Variants in SEZ6L observed in about 807,000 individuals in gnomAD.
SEZ6L encodes seizure related 6 homolog like.
Under a neutral mutation model 106.2 loss-of-function variants are expected in SEZ6L, and 37 were observed. The observed-to-expected ratio is 0.35, with a 90% CI of 0.27 to 0.46. The LOEUF is 0.46. Ranked by LOEUF, SEZ6L falls within the 20% of genes least tolerant of loss-of-function variation. The pLI, the probability that SEZ6L is intolerant of heterozygous loss-of-function variation, is 1.00. For missense variants in SEZ6L, 1,172 were observed against 1,332.8 expected (o/e 0.88, Z 1.88); for synonymous variants, 541 against 570.4 (o/e 0.95, Z 0.73).
chr22:26,186,683 T>C (rs1055244196), intron 1 of SEZ6L, among the ~76,000 whole-genome samples: 2 of 152,286 alleles, frequency 1.3e-5, no homozygotes, highest in Non-Finnish European at 2.9e-5. Context: ...ATAGGGTTCT[T>C]GCTAAAGTGA....
At chr22:26,194,394 G>A (rs1296271021) in intron 1 of SEZ6L, among the ~76,000 whole-genome samples, 1 of 152,160 alleles carries the variant, frequency 6.6e-6, no homozygotes, top group Non-Finnish European at 1.5e-5. Context: ...TATAACTAGG[G>A]CATCCTGAAG....
intron 1 of SEZ6L, among the ~76,000 whole-genome samples, chr22:26,245,333 G>A (rs899160640): frequency 8.5e-5 from 13 of 152,162 alleles, no homozygotes; most frequent in Non-Finnish European, 1.5e-5. Flanking sequence ...CAGTAAAATT[G>A]AACAAGAGAG....
At chr22:26,348,703 A>AAAAAGAAAGG (rs1207033331) in intron 11 of SEZ6L, among the ~76,000 whole-genome samples, 2 of 41,480 alleles carry the variant, frequency 4.8e-5, no homozygotes, top group African/African-American at 2.3e-4. Context: ...AGAAAGAAAG[A>AAAAAGAAAGG]AGGCAAGGGA....
At chr22:26,211,416 C>T (rs993450511) in intron 1 of SEZ6L, among the ~76,000 whole-genome samples, 1 of 152,174 alleles carries the variant, frequency 6.6e-6, no homozygotes, top group Non-Finnish European at 1.5e-5. Flanking sequence ...CCACCCACCT[C>T]AGGTCCTAGG....
chr22:26,348,629 A>G (rs1363645761), intron 11 of SEZ6L, among the ~76,000 whole-genome samples: 2 of 34,268 alleles, frequency 5.8e-5, no homozygotes, highest in Non-Finnish European at 9.2e-5. Context: ...AGAAAGAAAG[A>G]AAGAAAGAAA....
At chr22:26,337,755 C>T (rs540636390) in intron 9 of SEZ6L, among the ~76,000 whole-genome samples, 1 of 152,238 alleles carries the variant, frequency 6.6e-6, no homozygotes, top group South Asian at 2.1e-4. Flanking sequence ...GCAAAGCAAG[C>T]AGGTAGCTTT....
intron 1 of SEZ6L, among the ~76,000 whole-genome samples, chr22:26,227,306 G>A (rs2078663391): frequency 6.6e-6 from 1 of 152,102 alleles, no homozygotes; most frequent in South Asian, 2.1e-4. Flanking sequence ...AACATCCCAA[G>A]GTTTTATTCT....
chr22:26,306,690 C>G (rs990425334), intron 6 of SEZ6L, among the ~76,000 whole-genome samples: 2 of 152,136 alleles, frequency 1.3e-5, no homozygotes, highest in African/African-American at 4.8e-5. Flanking sequence ...AATTATAAAA[C>G]TTTAATATTC....
Position 26,169,588 on chromosome 22 carries a change from C to T in SEZ6L, c.-82C>T, listed in dbSNP as rs1355594284. The T allele has an allele frequency of 4.1e-6, 2 of 490,426 alleles. No individual in the cohort carries two copies. The highest frequency in any genetic ancestry group is 3.6e-5 in the East Asian group (1 of 27,434). The allele number at this position is 490,426 out of a possible 1,614,324, so 30.4% of individuals were successfully genotyped here. A position where few individuals can be genotyped will look rare whatever the true frequency, so the allele number is the denominator to read the frequency against. On this transcript the variant is annotated 5_prime_UTR_variant, in exon 1 of 17. Transcript: ENST00000248933. ...TCCCTCGCTCCCGCTTCCCCTTTCT[C>T]GCTCACCGCCGCCCTCCTTCCCCAG...
intron 10 of SEZ6L, among the ~76,000 whole-genome samples, chr22:26,342,990 C>A (rs549107963): frequency 6.6e-6 from 1 of 152,154 alleles, no homozygotes; most frequent in African/African-American, 2.4e-5. Flanking sequence ...GAGGCTAACA[C>A]GAGTATTGAT....
chr22:26,293,093 C>G lies in SEZ6L; in HGVS notation c.782C>G (p.Thr261Ser). 2.5e-6 allele frequency: 4 copies of G among 1,605,070 alleles called. No individual in the cohort carries two copies. In the South Asian group the frequency reaches 4.4e-5, roughly 18 times the overall value. ...TCAGCCTCAGAGGAGAGCCAGGAGA[C>G]CACTACCTCCACCATTATCACCACC... ...TGSASEESQE[T>S]TTSTIITTTV... Residue 261 changes from threonine (T) to serine (S), a missense_variant, in exon 2 of 17, where the codon ACC becomes AGC. Thr to Ser is a moderately conservative substitution (Grantham distance 58). This residue lies in a region of SEZ6L where 494 missense variants were observed against 445.8 expected (regional missense o/e 1.11). Coordinates refer to ENST00000248933, the MANE Select transcript of SEZ6L (RefSeq NM_021115.5).
In SEZ6L at chr22:26,292,454, C is replaced by T. The variant is rs1161324266; in HGVS notation, c.143C>T (p.Pro48Leu). The stretch of plus-strand genomic sequence containing the variant: ...AGCCCTTTGGGTCCTTACCTCCTGC[C>T]CTCAGGAGCCCCGGAGAGAGGCAGT... ...DASPLGPYLLPSGAPERGSPG... is the reference protein window; with the variant it reads ...DASPLGPYLLLSGAPERGSPG... The change falls in exon 2 of 17, where the codon CCC becomes CTC. Residue 48 changes from proline to leucine, a missense_variant. By Grantham distance (98) the Pro-to-Leu change is moderately conservative (BLOSUM62 -3). This residue lies in a region of SEZ6L where 494 missense variants were observed against 445.8 expected (regional missense o/e 1.11). Transcript: ENST00000248933. 7 of 1,613,814 alleles carry T rather than the reference C, an allele frequency of 4.3e-6. No individual in the cohort carries two copies. The Admixed American group carries it at 5.0e-5, about 12-fold the overall frequency.
At chr22:26,275,089 AC>A (rs2080499438) in intron 1 of SEZ6L, among the ~76,000 whole-genome samples, 1 of 152,120 alleles carries the variant, frequency 6.6e-6, no homozygotes, top group Non-Finnish European at 1.5e-5. Flanking sequence ...CAAGGGCCAA[AC>A]CTTTTTTCAG....
intron 1 of SEZ6L, among the ~76,000 whole-genome samples, chr22:26,287,765 A>G (rs556911631): frequency 2.4e-4 from 37 of 152,260 alleles, no homozygotes; most frequent in African/African-American, 4.6e-4. Flanking sequence ...TGGGCTGCCT[A>G]TGTTGCAGAC....
chr22:26,382,460 C>G lies in SEZ6L; in HGVS notation c.*2165C>G. 1 of 153,080 alleles carries G rather than the reference C, an allele frequency of 6.5e-6. No homozygotes were observed. Among genetic ancestry groups the G allele is most frequent in the Admixed American group, 6.5e-5 (1 of 15,366 alleles). The allele number at this position is 153,080 out of a possible 1,614,324, so 9.5% of individuals were successfully genotyped here. ...TTCTAACCCTATCCCCAAAACTAGC[C>G]AGGCCACACCCCAGATGTTCTTATT... is the stretch of plus-strand genomic sequence containing the variant. On this transcript the variant is annotated 3_prime_UTR_variant, in exon 17 of 17. Transcript: ENST00000248933.
chr22:26,173,882 G>A (rs761957412), intron 1 of SEZ6L, among the ~76,000 whole-genome samples: 2 of 152,246 alleles, frequency 1.3e-5, no homozygotes, highest in African/African-American at 2.4e-5. Flanking sequence ...TATCATGGGG[G>A]CCCTATCTTT....
intron 9 of SEZ6L, among the ~76,000 whole-genome samples, chr22:26,337,664 A>G (rs1008870576): frequency 1.3e-5 from 2 of 152,138 alleles, no homozygotes; most frequent in East Asian, 3.9e-4. Flanking sequence ...TCAATACAGC[A>G]GGGGTTTAGG....
intron 1 of SEZ6L, among the ~76,000 whole-genome samples, chr22:26,221,624 G>T (rs1402459664): frequency 6.6e-6 from 1 of 152,218 alleles, no homozygotes; most frequent in Non-Finnish European, 1.5e-5. Context: ...CATTACTATT[G>T]TTGCCTAACC....
intron 1 of SEZ6L, among the ~76,000 whole-genome samples, chr22:26,288,968 C>T (rs2081022244): frequency 6.6e-6 from 1 of 152,232 alleles, no homozygotes; most frequent in African/African-American, 2.4e-5. Context: ...TCACCTTTTC[C>T]AATTTAGCAG....
Sources: gnomAD v4.1 joint callset for allele counts (sites outside exome capture counted in the v4.1 genomes callset) on GRCh38, gnomAD v4.1.1 for gene constraint, gnomAD v4.1.1 regional missense constraint, MANE v1.5 for transcripts, NCBI Gene and HGNC (gene_info 2026-07-23, HGNC 2026-07-21) for gene names.